The following RYR1 variants were observed in gnomAD, a reference collection of about 807,000 sequenced individuals.
The protein encoded by RYR1 is ryanodine receptor 1.
A neutral mutation model predicts 583.5 loss-of-function variants in RYR1; 342 were observed. That is an observed-to-expected ratio of 0.59 (90% CI 0.54 to 0.64). The LOEUF (loss-of-function observed/expected upper bound fraction) is 0.64, where lower values mean the gene tolerates loss of function less well. RYR1 is among the 30% of genes least tolerant of loss of function. The probability of loss-of-function intolerance (pLI) is 0.00; values close to 1 mark genes in which losing one functional copy is unlikely to be tolerated. For synonymous variants in RYR1, 2,791 were observed against 2,822.5 expected (o/e 0.99, Z 0.35); for missense variants, 6,032 against 6,917.2 (o/e 0.87, Z 4.54).
Position 38,499,124 on chromosome 19 carries a change from C to T in RYR1, c.6908C>T (p.Ala2303Val), listed in dbSNP as rs867497088. 5.0e-6 allele frequency: 8 copies of T among 1,614,156 alleles called. 1 individual carries two copies. The Middle Eastern group carries it at 8.3e-4, about 166-fold the overall frequency. The change falls in exon 43 of 106, where the codon GCA becomes GTA. Residue 2303 changes from alanine (A) to valine (V), a missense_variant. Transcript: ENST00000359596. This position sits in a 1 kb window ranked among gnomAD's most constrained non-coding sequence, Gnocchi z 7.3. ...TGCCCCCAGGTTGTGTCCTACCTGG[C>T]AGGCTGTGGCCTCCAGAGCTGCCCC... ...QDLEKVVSYL[A>V]GCGLQSCPML...
At chr19:38,480,826 C>G (rs1968971073) in intron 31 of RYR1, among the ~76,000 whole-genome samples, 1 of 151,760 alleles carries the variant, frequency 6.6e-6, no homozygotes, top group South Asian at 2.1e-4. Flanking sequence ...CTCACTGCAA[C>G]CTTCGCCTCC....
At chr19:38,517,288 CG>C in intron 65 of RYR1, 70 bp from the exon 66 acceptor site, 1 of 1,480,098 alleles carries the variant, frequency 6.8e-7, no homozygotes, top group Non-Finnish European at 9.3e-7. Context: ...TGATGTATTG[CG>C]GGGGAGGCCA....
At chr19:38,437,385 CA>C (rs200864491) in intron 1 of RYR1, among the ~76,000 whole-genome samples, 1,650 of 152,238 alleles carry the variant, frequency 0.011, 16 homozygotes, top group Middle Eastern at 0.017. Context: ...GTTTGAGAAT[CA>C]ATGTGGTAAT....
At chr19:38,557,663 GCA>G in intron 89 of RYR1, among the ~76,000 whole-genome samples, 1 of 152,212 alleles carries the variant, frequency 6.6e-6, no homozygotes. Flanking sequence ...AATTAGCTAG[GCA>G]TGGTGGCCTA....
At position 38,587,487 on chromosome 19, in the gene RYR1, C is replaced by CT; in HGVS notation, c.*67_*68insT. 8.9e-7 allele frequency: 1 copy of CT among 1,120,204 alleles called. No homozygotes were observed. The highest frequency in any genetic ancestry group is 1.2e-5 in the South Asian group (1 of 80,526). 69.4% of individuals were successfully genotyped at this position (1,120,204 alleles called of 1,614,324 possible). On this transcript the variant is annotated 3_prime_UTR_variant, in exon 106 of 106. Coordinates refer to ENST00000359596, the MANE Select transcript of RYR1 (RefSeq NM_000540.3). ...ATTCTCACAGCAAGCCCCTTAGTCC[C>CT]CAAGCCCCTCCCCCTAAGGCAGCTG...
At chr19:38,454,630 T>C (rs528583656) in intron 13 of RYR1, among the ~76,000 whole-genome samples, 1 of 152,326 alleles carries the variant, frequency 6.6e-6, no homozygotes, top group South Asian at 2.1e-4. Flanking sequence ...ACTCCCTGTA[T>C]TTCCCCTAGA....
intron 81 of RYR1, 171 bp from the exon 82 acceptor site, chr19:38,535,825 AC>A: frequency 1.4e-6 from 1 of 715,512 alleles, no homozygotes; most frequent in East Asian, 2.7e-5. Flanking sequence ...TCCTGGCCCA[AC>A]CATATGTCCT....
At chr19:38,568,803 G>A (rs918047561) in intron 93 of RYR1, among the ~76,000 whole-genome samples, 1 of 151,900 alleles carries the variant, frequency 6.6e-6, no homozygotes, top group Non-Finnish European at 1.5e-5. Flanking sequence ...CATGTGGAAC[G>A]AAGGTGGTTC....
chr19:38,522,807 C>T (rs1971278382), intron 67 of RYR1, among the ~76,000 whole-genome samples: 1 of 150,610 alleles, frequency 6.6e-6, no homozygotes, highest in East Asian at 2.0e-4. Flanking sequence ...AAAATTAGCC[C>T]GGTGTGGTGT....
At chr19:38,464,585 G>T in intron 22 of RYR1, 54 bp from the exon 23 acceptor site, 1 of 1,476,164 alleles carries the variant, frequency 6.8e-7, no homozygotes, top group East Asian at 2.5e-5. Flanking sequence ...GGGAGGAGAC[G>T]GGGCAGGGAG....
intron 89 of RYR1, among the ~76,000 whole-genome samples, chr19:38,558,325 A>AATG (rs1216753401): frequency 6.6e-6 from 1 of 152,188 alleles, no homozygotes; most frequent in Non-Finnish European, 1.5e-5. Flanking sequence ...AATTAATAAT[A>AATG]AAGTAAAACA....
chr19:38,573,115 G>A, intron 95 of RYR1, 62 bp from the exon 96 acceptor site: 2 of 1,608,436 alleles, frequency 1.2e-6, no homozygotes, highest in Non-Finnish European at 1.7e-6. Context: ...CATGGCTTCT[G>A]CTGAGACTAT....
chr19:38,558,917 CCT>C (rs750414954), intron 89 of RYR1, among the ~76,000 whole-genome samples: 220 of 152,312 alleles, frequency 1.4e-3, no homozygotes, highest in Non-Finnish European at 2.3e-3. Context: ...ATGGCGAAAC[CCT>C]GTCTCTACTA....
At position 38,511,572 on chromosome 19, in the gene RYR1, A is replaced by C; in HGVS notation, c.9134A>C (p.Lys3045Thr). ...TTCTCTTTCTTCAGCCTCTTCTGCA[A>C]ACTTGCTGCTCTCGTCCGCCACCGA... ...EKEMITSLFC[K>T]LAALVRHRVS... is the part of the protein sequence containing the mutation. The change falls in exon 61 of 106, where the codon AAA becomes ACA. Residue 3045 changes from lysine (K) to threonine (T), a missense_variant. This residue lies in a region of RYR1 where 1,493 missense variants were observed against 1,715.5 expected (regional missense o/e 0.87). Coordinates refer to ENST00000359596, the MANE Select transcript of RYR1 (RefSeq NM_000540.3). The C allele has an allele frequency of 6.2e-7, 1 of 1,613,800 alleles. No homozygotes were observed. Among genetic ancestry groups the C allele is most frequent in the South Asian group, 1.1e-5 (1 of 91,056 alleles).
rs150620191 is a variant in RYR1, at chr19:38,504,285, C to T, written c.7992C>T (p.Phe2664=). Residue 2664 remains phenylalanine (F), a synonymous_variant, in exon 50 of 106, where the codon TTC becomes TTT. Transcript: ENST00000359596. ...YYCLPTGWAN[F]GVTSEEELHL... is the part of the protein sequence containing the mutation. ...GCCTACCCACGGGCTGGGCCAACTT[C>T]GGGGTCACCTCAGAGGAGGAGCTGC... 6.4e-5 allele frequency: 103 copies of T among 1,614,116 alleles called. No homozygotes were observed. The highest frequency in any genetic ancestry group is 3.3e-4 in the Admixed American group (20 of 60,006).
intron 70 of RYR1, 137 bp downstream of exon 70, chr19:38,524,066 C>T: frequency 1.0e-6 from 1 of 961,982 alleles, no homozygotes; most frequent in African/African-American, 1.6e-5. Flanking sequence ...CCCACCCATC[C>T]TCCTTCCCTT....
Position 38,564,952 on chromosome 19 carries a change from G to A in RYR1, c.12625-7G>A, listed in dbSNP as rs1265748911. 1.9e-6 allele frequency: 3 copies of A among 1,573,634 alleles called. No individual in the cohort carries two copies. The highest frequency in any genetic ancestry group is 2.6e-6 in the Non-Finnish European group (3 of 1,160,846). ...CGCCCTATCCTGTCTGCCGCCCCTC[G>A]CTTCAGGTGAAGGAGTCCAAGCGCC... is the stretch of plus-strand genomic sequence containing the variant. On this transcript the variant is annotated splice_region_variant and splice_polypyrimidine_tract_variant and intron_variant, in intron 90 of 105. Coordinates refer to ENST00000359596, the MANE Select transcript of RYR1 (RefSeq NM_000540.3).
Position 38,526,989 on chromosome 19 carries a change from C to T in RYR1, c.10627-4C>T, listed in dbSNP as rs1489667781. 3.1e-6 allele frequency: 5 copies of T among 1,613,622 alleles called. No homozygotes were observed. The highest frequency in any genetic ancestry group is 4.2e-6 in the Non-Finnish European group (5 of 1,179,802). ...AGTGACCCAGCCTGGCTCTGTCTCCCCAGAAAGACACAGATGAGGAGGTCC... is the reference window on the plus strand; with the variant it reads ...AGTGACCCAGCCTGGCTCTGTCTCCTCAGAAAGACACAGATGAGGAGGTCC... On this transcript the variant is annotated splice_polypyrimidine_tract_variant and splice_region_variant and intron_variant, in intron 71 of 105. Coordinates refer to ENST00000359596, the MANE Select transcript of RYR1 (RefSeq NM_000540.3).
chr19:38,444,637 A>G lies in RYR1; in HGVS notation c.591A>G (p.Thr197=). ...ELQVDASFMQ[T]LWNMNPICSR... is the part of the protein sequence containing the mutation. ...AGGTTGACGCTTCCTTCATGCAGAC[A>G]CTATGGAACATGAACCCCATCTGCT... The change falls in exon 7 of 106, where the codon ACA becomes ACG. Residue 197 remains threonine, a synonymous_variant. Transcript: ENST00000359596. This position sits in a 1 kb window ranked among gnomAD's most constrained non-coding sequence, Gnocchi z 5.1. 1.2e-6 allele frequency: 2 copies of G among 1,614,032 alleles called. No individual in the cohort carries two copies. The highest frequency in any genetic ancestry group is 2.2e-5 in the East Asian group (1 of 44,880).
Sources: allele counts gnomAD v4.1 joint callset (sites outside exome capture counted in the v4.1 genomes callset), GRCh38; gene constraint gnomAD v4.1.1; regional missense constraint gnomAD v4.1.1; non-coding constraint Gnocchi (gnomAD v3.1); transcripts MANE v1.5; gene names NCBI Gene and HGNC (gene_info 2026-07-23, HGNC 2026-07-21).